PCGF5: variants seen among roughly 807,000 people sequenced by gnomAD.
The protein encoded by PCGF5 is polycomb group ring finger 5, also known as polycomb group RING finger protein 5.
Under a neutral mutation model 44.3 loss-of-function variants are expected in PCGF5, and 9 were observed. That is an observed-to-expected ratio of 0.20 (90% confidence interval 0.12 to 0.35). The LOEUF (loss-of-function observed/expected upper bound fraction) is 0.35. PCGF5 is among the 10% of genes least tolerant of loss of function. The pLI is 1.00. For synonymous variants in PCGF5, 95 were observed against 102.5 expected (o/e 0.93, Z 0.44); for missense variants, 146 against 305.3 (o/e 0.48, Z 3.89).
chr10:91,263,962 C>A (rs1251154613), intron 7 of PCGF5, among the ~76,000 whole-genome samples: 2 of 152,176 alleles, frequency 1.3e-5, no homozygotes, highest in Admixed American at 6.6e-5. Context: ...TTTCCCTCTT[C>A]AACCCCAAAC....
chr10:91,245,240 C>T (rs1010693104), intron 3 of PCGF5, among the ~76,000 whole-genome samples: 10 of 152,082 alleles, frequency 6.6e-5, no homozygotes, highest in Admixed American at 2.0e-4. Context: ...TCAAAGGAGA[C>T]GGAGTGATCC....
At chr10:91,195,010 G>C (rs968019478) in intron 1 of PCGF5, among the ~76,000 whole-genome samples, 1 of 152,106 alleles carries the variant, frequency 6.6e-6, no homozygotes. Flanking sequence ...TAGATGTGGT[G>C]AGAGTGTGTG....
At chr10:91,214,791 GA>G (rs896954439) in intron 1 of PCGF5, among the ~76,000 whole-genome samples, 25 of 152,314 alleles carry the variant, frequency 1.6e-4, no homozygotes, top group African/African-American at 4.8e-4. Flanking sequence ...GACAAGGAAG[GA>G]AATGGATCCA....
intron 5 of PCGF5, among the ~76,000 whole-genome samples, chr10:91,250,277 G>A (rs1564649506): frequency 6.6e-6 from 1 of 151,926 alleles, no homozygotes. Context: ...TACCTGTAGT[G>A]CTTTTACTAC....
At chr10:91,232,003 A>G (rs937667072) in intron 2 of PCGF5, among the ~76,000 whole-genome samples, 2 of 152,182 alleles carry the variant, frequency 1.3e-5, no homozygotes, top group Admixed American at 6.5e-5. Flanking sequence ...AATGATCAGC[A>G]TATGCATCAT....
chr10:91,273,485 CCTT>C (rs891488767), intron 9 of PCGF5, among the ~76,000 whole-genome samples: 1 of 152,164 alleles, frequency 6.6e-6, no homozygotes, highest in Non-Finnish European at 1.5e-5. Context: ...TCCTCTTCTT[CCTT>C]CAACACCTCA....
intron 6 of PCGF5, among the ~76,000 whole-genome samples, chr10:91,258,784 C>A (rs1190738627): frequency 6.6e-6 from 1 of 152,004 alleles, no homozygotes; most frequent in South Asian, 2.1e-4. Flanking sequence ...CTTCTGTTTT[C>A]TTTTAATGGA....
intron 6 of PCGF5, among the ~76,000 whole-genome samples, chr10:91,256,199 C>T (rs1222244461): frequency 6.6e-6 from 1 of 151,970 alleles, no homozygotes; most frequent in Non-Finnish European, 1.5e-5. Context: ...AGAACTAAAA[C>T]CATGGTCTGG....
intron 1 of PCGF5, among the ~76,000 whole-genome samples, chr10:91,163,421 G>A (rs1204156017): frequency 6.6e-6 from 1 of 151,968 alleles, no homozygotes; most frequent in Non-Finnish European, 1.5e-5. Context: ...CGGGAGCAGC[G>A]GCTCCCTGGC....
At chr10:91,162,247 G>A (rs909027239), upstream of PCGF5, among the ~76,000 whole-genome samples, 5 of 147,158 alleles carry the variant, frequency 3.4e-5, no homozygotes, top group African/African-American at 1.3e-4. Flanking sequence ...TCGAGGCCAT[G>A]GTGAGTCACT....
chr10:91,246,957 GGATAGATGGATAGATAGATAGATA>G (rs1845477900), intron 3 of PCGF5, among the ~76,000 whole-genome samples: 3 of 102,072 alleles, frequency 2.9e-5, no homozygotes, highest in African/African-American at 1.1e-4. Flanking sequence ...ATAGATAGAT[GGATAGATGGATAGATAGATAGATA>G]GATAGATAGA....
chr10:91,264,890 A>G (rs1242705989), intron 8 of PCGF5, among the ~76,000 whole-genome samples: 2 of 152,276 alleles, frequency 1.3e-5, no homozygotes, highest in African/African-American at 4.8e-5. Flanking sequence ...ATGGTTGATA[A>G]GGGTGTTTAT....
At position 91,163,439 on chromosome 10, in the gene PCGF5, A is replaced by G. The variant is rs1466049940; in HGVS notation, c.-184+358A>G. ...GAGCAGCGGCTCCCTGGCTGGAGGG[A>G]GACCATGAAATGTGTTCGAAGAAGC... On this transcript the variant is annotated intron_variant, in intron 1 of 9. Coordinates refer to the PCGF5 transcript ENST00000614189. Among the ~76,000 whole-genome samples, 4 of 151,864 alleles carry G rather than the reference A, an allele frequency of 2.6e-5. No individual in the cohort carries two copies. In the East Asian group the frequency reaches 5.9e-4, roughly 22 times the overall value.
intron 3 of PCGF5, among the ~76,000 whole-genome samples, chr10:91,247,451 G>C (rs916109443): frequency 1.3e-5 from 2 of 152,048 alleles, no homozygotes; most frequent in African/African-American, 4.8e-5. Context: ...GAAAGATTGA[G>C]AAACAGAATA....
chr10:91,245,939 G>A (rs147054106), intron 3 of PCGF5, among the ~76,000 whole-genome samples: 2 of 152,252 alleles, frequency 1.3e-5, no homozygotes, highest in African/African-American at 4.8e-5. Context: ...TGTTTGTGTT[G>A]TAGTTAGGAA....
chr10:91,217,622 A>G (rs150485672), upstream of PCGF5, among the ~76,000 whole-genome samples: 2 of 152,332 alleles, frequency 1.3e-5, no homozygotes, highest in African/African-American at 4.8e-5. Flanking sequence ...AGTCTGGGCC[A>G]ATACTCAAAT....
At chr10:91,264,178 T>C (rs955346302) in intron 7 of PCGF5, among the ~76,000 whole-genome samples, 1 of 152,158 alleles carries the variant, frequency 6.6e-6, no homozygotes, top group Admixed American at 6.5e-5. Flanking sequence ...TTGTAAATTA[T>C]GTGTATGAAC....
At position 91,168,889 on chromosome 10, in the gene PCGF5, T is replaced by C. The variant is rs567768921; in HGVS notation, c.-184+5808T>C. Among the ~76,000 whole-genome samples the C allele has an allele frequency of 1.1e-4, 14 of 125,604 alleles. No homozygotes were observed. The East Asian group carries it at 1.5e-3, about 14-fold the overall frequency. 82.4% of individuals were successfully genotyped at this position (125,604 alleles called of 152,430 possible). A position where few individuals can be genotyped will look rare whatever the true frequency, so the allele number is the denominator to read the frequency against. Reference sequence around the variant, plus strand: ...GTTGCAGTGAGCTGAGATTGCACCATTGGACTCCAGCCTGGGCGACAGTGT... The same window carrying C: ...GTTGCAGTGAGCTGAGATTGCACCACTGGACTCCAGCCTGGGCGACAGTGT... On this transcript the variant is annotated intron_variant, in intron 1 of 9. Coordinates refer to the PCGF5 transcript ENST00000614189.
intron 9 of PCGF5, among the ~76,000 whole-genome samples, chr10:91,276,593 C>T (rs1846319048): frequency 6.6e-6 from 1 of 152,168 alleles, no homozygotes; most frequent in Non-Finnish European, 1.5e-5. Context: ...GAACACACAA[C>T]AAATGGCTAC....
Sources: gnomAD v4.1 joint callset for allele counts (sites outside exome capture counted in the v4.1 genomes callset) on GRCh38, gnomAD v4.1.1 for gene constraint, MANE v1.5 for transcripts, NCBI Gene and HGNC (gene_info 2026-07-23, HGNC 2026-07-21) for gene names.